ADAM23: variants seen among roughly 807,000 people sequenced by gnomAD.
ADAM23 encodes disintegrin and metalloproteinase domain-containing protein 23.
A neutral mutation model predicts 120.1 loss-of-function variants in ADAM23; 33 were observed. The ratio of observed to expected loss-of-function variants is 0.27; its 90% confidence interval spans 0.21 to 0.37. The LOEUF (loss-of-function observed/expected upper bound fraction) is 0.37. Among genes scored for constraint, ADAM23 ranks in the 10% least tolerant of loss-of-function variants. The pLI is 1.00. For missense variants in ADAM23, 862 were observed against 1,058.2 expected (o/e 0.81, Z 2.57); for synonymous variants, 367 against 375.2 (o/e 0.98, Z 0.25).
At chr2:206,528,579 T>C (rs1221597947) in intron 3 of ADAM23, among the ~76,000 whole-genome samples, 1 of 152,172 alleles carries the variant, frequency 6.6e-6, no homozygotes, top group Non-Finnish European at 1.5e-5. Context: ...TGTTGACTGG[T>C]GCTCAACACC....
chr2:206,556,740 T>C (rs955846459), intron 9 of ADAM23, among the ~76,000 whole-genome samples: 3 of 152,206 alleles, frequency 2.0e-5, no homozygotes, highest in Non-Finnish European at 2.9e-5. Context: ...TTTTTACTTT[T>C]TGTCTTCTCT....
At chr2:206,523,447 C>G (rs1330058575) in intron 3 of ADAM23, among the ~76,000 whole-genome samples, 1 of 152,196 alleles carries the variant, frequency 6.6e-6, no homozygotes, top group Non-Finnish European at 1.5e-5. Context: ...CTCTATGCAA[C>G]CTATAATTAT....
intron 4 of ADAM23, among the ~76,000 whole-genome samples, chr2:206,538,672 C>T (rs1697230563): frequency 1.3e-5 from 2 of 152,150 alleles, no homozygotes; most frequent in Non-Finnish European, 2.9e-5. Flanking sequence ...TAATTAGACA[C>T]AAAGTTGGGG....
chr2:206,530,694 G>C (rs1034160270), intron 3 of ADAM23, among the ~76,000 whole-genome samples, 191 bp from the exon 4 acceptor site: 4 of 71,682 alleles, frequency 5.6e-5, no homozygotes, highest in African/African-American at 2.1e-4. Flanking sequence ...TTTTTTTTCT[G>C]CAGATTGGGG....
At chr2:206,508,227 C>T (rs894085284) in intron 3 of ADAM23, among the ~76,000 whole-genome samples, 7 of 152,142 alleles carry the variant, frequency 4.6e-5, no homozygotes, top group African/African-American at 1.4e-4. Flanking sequence ...GACGGGGTTT[C>T]ACCGTGTTAG....
At chr2:206,610,719 A>G (rs1248834309) in intron 25 of ADAM23, among the ~76,000 whole-genome samples, 1 of 152,236 alleles carries the variant, frequency 6.6e-6, no homozygotes, top group Admixed American at 6.5e-5. Flanking sequence ...GTATTCACAA[A>G]TAAACTTCAA....
chr2:206,523,448 C>T (rs1696885065), intron 3 of ADAM23, among the ~76,000 whole-genome samples: 1 of 152,196 alleles, frequency 6.6e-6, no homozygotes, highest in East Asian at 1.9e-4. Context: ...TCTATGCAAC[C>T]TATAATTATT....
chr2:206,564,168 G>T (rs375972127), intron 13 of ADAM23, among the ~76,000 whole-genome samples: 3 of 151,798 alleles, frequency 2.0e-5, no homozygotes, highest in African/African-American at 7.3e-5. Context: ...ATAGATAGAT[G>T]TATACCTCTC....
Position 206,445,404 on chromosome 2 carries a change from C to G in ADAM23, c.312C>G (p.Ser104Arg), listed in dbSNP as rs374043754. The change falls in exon 2 of 26, where the codon AGC (serine) becomes AGG (arginine). Residue 104 changes from serine to arginine, a missense_variant. Coordinates refer to ENST00000264377, the MANE Select transcript of ADAM23 (RefSeq NM_003812.4). ...QQNSSSNISYSNAMQKEITLP... is the reference protein window; with the variant it reads ...QQNSSSNISYRNAMQKEITLP... ...ATAGCAGCAGTAATATCAGTTACAG[C>G]AATGCAATGCAGAAAGAAATCACAC... The G allele has an allele frequency of 6.2e-7, 1 of 1,614,018 alleles. No individual in the cohort carries two copies. The highest frequency in any genetic ancestry group is 1.7e-5 in the Admixed American group (1 of 60,010).
At chr2:206,607,752 A>G (rs939562843) in intron 24 of ADAM23, among the ~76,000 whole-genome samples, 17 of 152,190 alleles carry the variant, frequency 1.1e-4, no homozygotes, top group African/African-American at 2.7e-4. Flanking sequence ...ATCAAATTCC[A>G]AGTTTTAGCA....
At chr2:206,600,641 T>C (rs953902076) in intron 24 of ADAM23, among the ~76,000 whole-genome samples, 1 of 152,200 alleles carries the variant, frequency 6.6e-6, no homozygotes, top group Non-Finnish European at 1.5e-5. Context: ...ATTTTAACTA[T>C]AAGTTCCTGG....
At position 206,597,805 on chromosome 2, in the gene ADAM23, ACT is replaced by A. The variant is rs536108166; in HGVS notation, c.2359+1648_2359+1649del. On this transcript the variant is annotated intron_variant, in intron 24 of 25. Transcript: ENST00000264377. ...TAGTTTTGGATGAAAGTTTATTGAA[ACT>A]CTCTGAACTTCAGTATAGTTTATAT... Among the ~76,000 whole-genome samples the A allele has an allele frequency of 2.8e-3, 433 of 152,008 alleles. 1 individual carries two copies. The highest frequency in any genetic ancestry group is 9.9e-3 in the African/African-American group (412 of 41,448).
intron 2 of ADAM23, among the ~76,000 whole-genome samples, chr2:206,447,857 G>A (rs1401661387): frequency 6.6e-6 from 1 of 152,308 alleles, no homozygotes; most frequent in East Asian, 1.9e-4. Context: ...TAGACTGGGG[G>A]TAGAGGTGGA....
intron 2 of ADAM23, among the ~76,000 whole-genome samples, chr2:206,474,112 T>C (rs1474914229): frequency 6.6e-6 from 1 of 152,122 alleles, no homozygotes; most frequent in African/African-American, 2.4e-5. Context: ...TAATACAAAT[T>C]GTTGCTGGTT....
intron 24 of ADAM23, among the ~76,000 whole-genome samples, chr2:206,598,613 A>G (rs1398147984): frequency 6.6e-6 from 1 of 152,178 alleles, no homozygotes; most frequent in Admixed American, 6.5e-5. Context: ...GATAAGCCTT[A>G]TTGGGCCTGG....
At chr2:206,609,625 A>G (rs1698791853) in intron 24 of ADAM23, 2 of 347,452 alleles carry the variant, frequency 5.8e-6, no homozygotes, top group African/African-American at 4.4e-5. Context: ...AAGGATGTGT[A>G]AAGACAGCAA....
intron 9 of ADAM23, among the ~76,000 whole-genome samples, chr2:206,552,562 C>T (rs1260473115): frequency 1.3e-5 from 2 of 151,940 alleles, no homozygotes; most frequent in Non-Finnish European, 2.9e-5. Flanking sequence ...TTCTACACAC[C>T]ATGTCACATG....
At chr2:206,450,459 CTT>C (rs910146152) in intron 2 of ADAM23, among the ~76,000 whole-genome samples, 2 of 152,144 alleles carry the variant, frequency 1.3e-5, no homozygotes, top group African/African-American at 4.8e-5. Flanking sequence ...TGATTGAACA[CTT>C]ATATGTTAGA....
intron 3 of ADAM23, among the ~76,000 whole-genome samples, chr2:206,510,177 A>T (rs1696592992): frequency 6.6e-6 from 1 of 152,250 alleles, no homozygotes; most frequent in South Asian, 2.1e-4. Context: ...GGAGGAACTC[A>T]TGGTCTGTGA....
Sources: allele counts gnomAD v4.1 joint callset (sites outside exome capture counted in the v4.1 genomes callset), GRCh38; gene constraint gnomAD v4.1.1; transcripts MANE v1.5; gene names NCBI Gene and HGNC (gene_info 2026-07-23, HGNC 2026-07-21).